The following ADGRD2 variants were observed in gnomAD, a reference collection of about 807,000 sequenced individuals.
ADGRD2 encodes adhesion G protein-coupled receptor D2.
Under a neutral mutation model 44.4 loss-of-function variants are expected in ADGRD2, and 71 were observed. The ratio of observed to expected loss-of-function variants is 1.60; its 90% confidence interval spans 1.32 to 1.95. ADGRD2 has a LOEUF of 1.95. ADGRD2 is among the 30% of genes most tolerant of loss of function. The pLI, the probability that ADGRD2 is intolerant of heterozygous loss-of-function variation, is 0.00. For missense variants in ADGRD2, 1,039 were observed against 512.4 expected (o/e 2.03, Z -9.92); for synonymous variants, 481 against 224.8 (o/e 2.14, Z -10.19).
chr9:124,454,115 C>A lies in ADGRD2; in HGVS notation c.1022+18C>A. The stretch of plus-strand genomic sequence containing the variant: ...CCGGACAGGTGCGCCCTGGCTGTAC[C>A]CCTGGGCTCTGCTGAAGGGAAAGCC... On this transcript the variant is annotated intron_variant, in intron 4 of 21. Transcript: ENST00000334810. The surrounding 1 kb of genome is among the most constrained non-coding windows in gnomAD (Gnocchi z 4.5). 1 of 670,574 alleles carries A rather than the reference C, an allele frequency of 1.5e-6. No individual in the cohort carries two copies. Among genetic ancestry groups the A allele is most frequent in the Non-Finnish European group, 2.7e-6 (1 of 365,080 alleles). The allele number at this position is 670,574 out of a possible 1,614,324, so 41.5% of individuals were successfully genotyped here.
In ADGRD2 at chr9:124,452,168, A is replaced by G. The variant is rs1199882798; in HGVS notation, c.68+10A>G. The G allele has an allele frequency of 4.2e-6, 3 of 714,020 alleles. No individual in the cohort carries two copies. Among genetic ancestry groups the G allele is most frequent in the Non-Finnish European group, 7.8e-6 (3 of 382,628 alleles). The allele number at this position is 714,020 out of a possible 1,614,324, so 44.2% of individuals were successfully genotyped here. ...CTTGGGCCCCAGGTTGGTATGAGGG[A>G]TCCCCCCAGGGAGGGTCCCAGTCCC... On this transcript the variant is annotated intron_variant, in intron 1 of 21. Transcript: ENST00000334810.
chr9:124,467,976 GCT>G, intron 12 of ADGRD2, 110 bp from the exon 16 acceptor site: 1 of 706,458 alleles, frequency 1.4e-6, no homozygotes, highest in South Asian at 1.5e-5. Context: ...CTGTGGAGCT[GCT>G]CTCTTTCCCT....
intron 7 of ADGRD2, among the ~76,000 whole-genome samples, chr9:124,457,021 A>G (rs1035755105): frequency 1.6e-4 from 25 of 152,132 alleles, no homozygotes; most frequent in African/African-American, 5.8e-4. Flanking sequence ...AACCTTGAAC[A>G]TGTCTTTCAT....
exon 3 of ADGRD2, chr9:124,453,199 G>T: frequency 1.5e-6 from 1 of 674,608 alleles, no homozygotes; most frequent in Non-Finnish European, 2.7e-6. Flanking sequence ...TGCCGCGCCC[G>T]CGCTGCCCAA....
chr9:124,469,636 G>A, intron 16 of ADGRD2, 89 bp downstream of exon 19: 1 of 688,790 alleles, frequency 1.5e-6, no homozygotes, highest in Non-Finnish European at 2.7e-6. Flanking sequence ...GAGAGCACGT[G>A]CGAGTCTGTG....
At chr9:124,477,094 G>A (rs535404828) in intron 21 of ADGRD2, 11 of 508,474 alleles carry the variant, frequency 2.2e-5, no homozygotes, top group South Asian at 6.2e-5. Flanking sequence ...TGAAGGCCCC[G>A]GCCTGATGCC....
intron 11 of ADGRD2, chr9:124,467,394 G>A (rs955465190): frequency 3.0e-5 from 7 of 231,606 alleles, no homozygotes; most frequent in Non-Finnish European, 4.2e-5. Flanking sequence ...TCCACATCAT[G>A]AGTATCATCC....
intron 21 of ADGRD2, among the ~76,000 whole-genome samples, chr9:124,478,022 G>A (rs1392184571): frequency 6.6e-6 from 1 of 151,742 alleles, no homozygotes; most frequent in Admixed American, 6.6e-5. Flanking sequence ...CCCACCCCGC[G>A]GGCCACTCAG....
chr9:124,453,819 C>T, intron 3 of ADGRD2, 143 bp downstream of exon 6: 2 of 608,970 alleles, frequency 3.3e-6, no homozygotes, highest in Non-Finnish European at 5.9e-6. Context: ...CAAGCTCCAG[C>T]ATAAACCTGG....
chr9:124,466,198 G>A, intron 10 of ADGRD2, 60 bp from the exon 14 acceptor site: 2 of 542,196 alleles, frequency 3.7e-6, no homozygotes. Context: ...CCAGGCTCTG[G>A]GGAAAGCCTT....
chr9:124,472,293 CTG>C (rs1266487536), intron 17 of ADGRD2, among the ~76,000 whole-genome samples: 2 of 152,304 alleles, frequency 1.3e-5, no homozygotes, highest in East Asian at 3.9e-4. Context: ...GGCTCCCCCT[CTG>C]TCACTGTCCC....
rs750432148 is a variant in ADGRD2, at chr9:124,454,166, G to C, written c.1022+69G>C. 9.8e-6 allele frequency: 6 copies of C among 610,598 alleles called. No individual in the cohort carries two copies. The highest frequency in any genetic ancestry group is 3.7e-5 in the African/African-American group (2 of 53,898). The allele number at this position is 610,598 out of a possible 1,614,324, so 37.8% of individuals were successfully genotyped here. A position where few individuals can be genotyped will look rare whatever the true frequency, so the allele number is the denominator to read the frequency against. On this transcript the variant is annotated intron_variant, in intron 4 of 21. Coordinates refer to ENST00000334810, the Ensembl canonical transcript of ADGRD2. The surrounding 1 kb of genome is among the most constrained non-coding windows in gnomAD (Gnocchi z 4.5). ...GGTGTGGACCGGAGTAGACTGAGAG[G>C]GGGTGAGCTGCTGGCAAAGTCTGGG...
chr9:124,452,771 G>A (rs762254602), intron 2 of ADGRD2, 49 bp downstream of exon 5: 2 of 691,200 alleles, frequency 2.9e-6, no homozygotes, highest in Admixed American at 2.0e-5. Context: ...AGGCTCTGGT[G>A]ACCTTCAGAT....
At chr9:124,463,201 G>C (rs148305595) in intron 10 of ADGRD2, among the ~76,000 whole-genome samples, 9 of 152,184 alleles carry the variant, frequency 5.9e-5, no homozygotes, top group African/African-American at 2.2e-4. Flanking sequence ...ATCATGAATG[G>C]CTTTTGAATT....
At chr9:124,468,031 C>G (rs7850687) in intron 12 of ADGRD2, 57 bp from the exon 16 acceptor site, 2 of 717,970 alleles carry the variant, frequency 2.8e-6, no homozygotes, top group East Asian at 5.4e-5. Flanking sequence ...CAGGGCCCTA[C>G]GGGGTGTGGG....
In ADGRD2 at chr9:124,453,988, G is replaced by T; in HGVS notation, c.924-11G>T. Reference sequence around the variant, plus strand: ...CCTAGGGAGCCCTGACAGCTCCCCTGCCCCTGCCAGTGCCCTCCGAGGAGT... The same window carrying T: ...CCTAGGGAGCCCTGACAGCTCCCCTTCCCCTGCCAGTGCCCTCCGAGGAGT... On this transcript the variant is annotated splice_polypyrimidine_tract_variant and intron_variant, in intron 3 of 21. Coordinates refer to ENST00000334810, the Ensembl canonical transcript of ADGRD2. 1 of 674,126 alleles carries T rather than the reference G, an allele frequency of 1.5e-6. No homozygotes were observed. The allele number at this position is 674,126 out of a possible 1,614,324, so 41.8% of individuals were successfully genotyped here. A position where few individuals can be genotyped will look rare whatever the true frequency, so the allele number is the denominator to read the frequency against.
intron 16 of ADGRD2, among the ~76,000 whole-genome samples, chr9:124,470,017 G>A (rs1831916930): frequency 6.6e-6 from 1 of 152,062 alleles, no homozygotes; most frequent in South Asian, 2.1e-4. Context: ...GGAGAGAGAG[G>A]GACCCCACCG....
chr9:124,456,922 C>T (rs1346186514), intron 7 of ADGRD2, among the ~76,000 whole-genome samples, 189 bp downstream of exon 10: 1 of 152,208 alleles, frequency 6.6e-6, no homozygotes, highest in Non-Finnish European at 1.5e-5. Context: ...CTTCAGAACC[C>T]TGTGTGGGCC....
At chr9:124,458,815 G>A (rs1831669967) in intron 10 of ADGRD2, 94 bp downstream of exon 13, 1 of 650,332 alleles carries the variant, frequency 1.5e-6, no homozygotes, top group Non-Finnish European at 2.9e-6. Context: ...GGACAACCAA[G>A]GCCTAATAAT....
Sources: allele counts gnomAD v4.1 joint callset (sites outside exome capture counted in the v4.1 genomes callset), GRCh38; gene constraint gnomAD v4.1.1; non-coding constraint Gnocchi (gnomAD v3.1); transcripts MANE v1.5; gene names NCBI Gene and HGNC (gene_info 2026-07-23, HGNC 2026-07-21).